The following TXNRD2 variants were observed in gnomAD, a reference collection of about 807,000 sequenced individuals.
TXNRD2 encodes the protein thioredoxin reductase 2, mitochondrial.
TXNRD2 carries 67 observed loss-of-function variants against 70.8 expected under a neutral mutation model. The ratio of observed to expected loss-of-function variants is 0.95; its 90% confidence interval spans 0.78 to 1.16. The LOEUF (loss-of-function observed/expected upper bound fraction) is 1.16. TXNRD2 is among the 50% of genes most tolerant of loss of function. The pLI is 0.00. For missense variants in TXNRD2, 644 were observed against 719.9 expected (o/e 0.89, Z 1.21); for synonymous variants, 301 against 295.8 (o/e 1.02, Z -0.18).
chr22:19,926,505 G>A (rs1005512702), intron 2 of TXNRD2, among the ~76,000 whole-genome samples: 4 of 150,952 alleles, frequency 2.6e-5, no homozygotes, highest in South Asian at 2.1e-4. Flanking sequence ...ACAAAACAAC[G>A]GCGGCTCACA....
At position 19,878,350 on chromosome 22, in the gene TXNRD2, C is replaced by A. The variant is rs1166009594; in HGVS notation, c.1347+16G>T. On this transcript the variant is annotated intron_variant, in intron 15 of 17. Coordinates refer to ENST00000400521, the MANE Select transcript of TXNRD2 (RefSeq NM_006440.5). ...TCCCTCTCATCCTCAGCACCCTGGG[C>A]CACAGGGATGCTCACCTTTACATAA... 1 of 1,613,504 alleles carries A rather than the reference C, an allele frequency of 6.2e-7. No homozygotes were observed. Among genetic ancestry groups the A allele is most frequent in the East Asian group, 2.2e-5 (1 of 44,886 alleles).
chr22:19,882,729 C>T (rs1480834572), intron 12 of TXNRD2, among the ~76,000 whole-genome samples: 1 of 152,216 alleles, frequency 6.6e-6, no homozygotes, highest in Non-Finnish European at 1.5e-5. Flanking sequence ...GGTGCAGTAT[C>T]CCAAGACTGA....
At chr22:19,928,354 A>G (rs1941230529) in intron 2 of TXNRD2, among the ~76,000 whole-genome samples, 1 of 152,174 alleles carries the variant, frequency 6.6e-6, no homozygotes, top group Non-Finnish European at 1.5e-5. Context: ...CGTACACGAA[A>G]CGGCACAGCC....
intron 2 of TXNRD2, among the ~76,000 whole-genome samples, chr22:19,925,956 C>CA (rs1458735849): frequency 6.6e-6 from 1 of 151,872 alleles, no homozygotes; most frequent in East Asian, 1.9e-4. Flanking sequence ...CACCTGAGGT[C>CA]AGGAGTTCAA....
At position 19,941,779 on chromosome 22, in the gene TXNRD2, G is replaced by A. The variant is rs1941729818; in HGVS notation, c.25C>T (p.Arg9Trp). 4 of 1,527,026 alleles carry A rather than the reference G, an allele frequency of 2.6e-6. No homozygotes were observed. The highest frequency in any genetic ancestry group is 2.6e-6 in the Non-Finnish European group (3 of 1,147,220). 94.6% of individuals were successfully genotyped at this position (1,527,026 alleles called of 1,614,324 possible). Residue 9 changes from arginine to tryptophan, a missense_variant, in exon 1 of 18, where the codon CGG becomes TGG. Around this residue, in one of 3 missense-constraint regions of TXNRD2, gnomAD observed 71 missense variants for 53.6 expected, o/e 1.33. Transcript: ENST00000400521. MAAMAVAL[R>W]GLGGRFRWRT... ...CACCGGAAGCGCCCTCCTAATCCCC[G>A]CAGCGCCACCGCCATTGCCGCCATC... is the stretch of plus-strand genomic sequence containing the variant.
Position 19,877,054 on chromosome 22 carries a change from C to T in TXNRD2, c.*51G>A, listed in dbSNP as rs764433328. On this transcript the variant is annotated 3_prime_UTR_variant, in exon 17 of 18. Coordinates refer to ENST00000400521, the MANE Select transcript of TXNRD2 (RefSeq NM_006440.5). ...CACCTGCATACCTGGGTCTGGCCTC[C>T]GAGGAGCTGGCGGCGGGCGCACCGT... is the stretch of plus-strand genomic sequence containing the variant. 1.5e-5 allele frequency: 24 copies of T among 1,564,524 alleles called. No homozygotes were observed. The highest frequency in any genetic ancestry group is 1.4e-4 in the South Asian group (12 of 87,144).
chr22:19,877,956 G>T (rs1258676943), intron 16 of TXNRD2, 134 bp downstream of exon 16: 1 of 782,398 alleles, frequency 1.3e-6, no homozygotes, highest in South Asian at 1.5e-5. Flanking sequence ...GGGGCCTGAG[G>T]AATCTCTGCT....
chr22:19,910,271 C>A (rs1012368056), intron 8 of TXNRD2, among the ~76,000 whole-genome samples: 10 of 152,240 alleles, frequency 6.6e-5, no homozygotes, highest in African/African-American at 2.4e-4. Flanking sequence ...GAGCCACTTG[C>A]ACGCTGCTAG....
chr22:19,941,718 G>A lies in TXNRD2; in HGVS notation c.86C>T (p.Ala29Val). 1 of 1,484,868 alleles carries A rather than the reference G, an allele frequency of 6.7e-7. No homozygotes were observed. The highest frequency in any genetic ancestry group is 8.9e-7 in the Non-Finnish European group (1 of 1,124,874). The allele number at this position is 1,484,868 out of a possible 1,614,324, so 92.0% of individuals were successfully genotyped here. A position where few individuals can be genotyped will look rare whatever the true frequency, so the allele number is the denominator to read the frequency against. The change falls in exon 1 of 18, where the codon GCG (alanine) becomes GTG (valine). Residue 29 changes from alanine to valine, a missense_variant. Coordinates refer to ENST00000400521, the MANE Select transcript of TXNRD2 (RefSeq NM_006440.5). ...TQAVAGGVRGAARGAAAGQRD... is the reference protein window; with the variant it reads ...TQAVAGGVRGVARGAAAGQRD... ...CATCCTACCTGCTGCGCCCCGCGCCGCGCCCCGCACCCCGCCCGCCACGGC... is the reference window on the plus strand; with the variant it reads ...CATCCTACCTGCTGCGCCCCGCGCCACGCCCCGCACCCCGCCCGCCACGGC...
At chr22:19,886,939 G>A (rs1037818067) in intron 11 of TXNRD2, among the ~76,000 whole-genome samples, 3 of 152,212 alleles carry the variant, frequency 2.0e-5, no homozygotes, top group Non-Finnish European at 4.4e-5. Flanking sequence ...ACCCTCAAAG[G>A]AAGGGCGGCC....
chr22:19,931,974 C>A lies in TXNRD2; in HGVS notation c.104-876G>T, dbSNP rs1941378400. Among the ~76,000 whole-genome samples, 6 of 151,926 alleles carry A rather than the reference C, an allele frequency of 3.9e-5. No individual in the cohort carries two copies. The South Asian group carries it at 1.3e-3, about 32-fold the overall frequency. On this transcript the variant is annotated intron_variant, in intron 1 of 17. Coordinates refer to ENST00000400521, the MANE Select transcript of TXNRD2 (RefSeq NM_006440.5). ...AGGAGATCGAGACCATCCTGGCTAA[C>A]ACAGTGAAACCCCGTCTCTACTAAA...
At chr22:19,928,422 G>A (rs992814274) in intron 2 of TXNRD2, among the ~76,000 whole-genome samples, 2 of 152,158 alleles carry the variant, frequency 1.3e-5, no homozygotes, top group Admixed American at 6.5e-5. Context: ...TCGCGCCAAC[G>A]AAGATGAGTC....
intron 5 of TXNRD2, among the ~76,000 whole-genome samples, chr22:19,917,651 C>T (rs1238423002): frequency 6.6e-6 from 1 of 152,158 alleles, no homozygotes; most frequent in African/African-American, 2.4e-5. Flanking sequence ...GCTGGAGATC[C>T]CCAGGGGCTG....
intron 8 of TXNRD2, among the ~76,000 whole-genome samples, chr22:19,905,140 C>T (rs987519943): frequency 5.3e-5 from 8 of 152,206 alleles, no homozygotes; most frequent in African/African-American, 9.6e-5. Flanking sequence ...GCATTAACAG[C>T]GCCGGACAAA....
intron 4 of TXNRD2, 107 bp downstream of exon 4, chr22:19,918,753 T>C: frequency 7.1e-7 from 1 of 1,407,792 alleles, no homozygotes; most frequent in Non-Finnish European, 9.9e-7. Flanking sequence ...GAGAAACCCA[T>C]CCTACGGCCC....
chr22:19,883,846 G>A (rs1013435436), intron 11 of TXNRD2: 40 of 240,298 alleles, frequency 1.7e-4, no homozygotes, highest in African/African-American at 8.1e-4. Context: ...CCAGCTACTC[G>A]GGAGGTTGAA....
chr22:19,932,572 C>T, intron 1 of TXNRD2: 1 of 1,461,524 alleles, frequency 6.8e-7, no homozygotes, highest in Non-Finnish European at 9.1e-7. Context: ...GCACCAGGCA[C>T]CAGCCAACTC....
chr22:19,899,436 G>A (rs1359753613), intron 8 of TXNRD2, among the ~76,000 whole-genome samples: 1 of 152,220 alleles, frequency 6.6e-6, no homozygotes, highest in African/African-American at 2.4e-5. Context: ...AGGATGGGGA[G>A]GCCACCAGAC....
intron 11 of TXNRD2, chr22:19,883,992 T>G (rs942411205): frequency 4.5e-5 from 7 of 154,304 alleles, no homozygotes; most frequent in African/African-American, 1.7e-4. Flanking sequence ...CTGTCTCTAT[T>G]AAAAATACAA....
Sources: allele counts gnomAD v4.1 joint callset (sites outside exome capture counted in the v4.1 genomes callset), GRCh38; gene constraint gnomAD v4.1.1; regional missense constraint gnomAD v4.1.1; transcripts MANE v1.5; gene names NCBI Gene and HGNC (gene_info 2026-07-23, HGNC 2026-07-21).